The following DPP4 variants were observed in gnomAD, a reference collection of about 807,000 sequenced individuals.
The protein encoded by DPP4 is dipeptidyl peptidase 4, also known as ADCP-2.
In DPP4, 93 loss-of-function variants were observed where a neutral mutation model predicts 122.4. The observed-to-expected ratio is 0.76, with a 90% CI of 0.64 to 0.90. The LOEUF is 0.90. Ranked by LOEUF, DPP4 falls within the 40% of genes least tolerant of loss-of-function variation. DPP4 has a pLI of 0.00. For synonymous variants in DPP4, 321 were observed against 302.9 expected, an observed-to-expected ratio of 1.06 and a Z score of -0.62; for missense variants, 914 against 907.3, an observed-to-expected ratio of 1.01 and a Z score of -0.09.
chr2:162,042,289 A>G (rs1385288128), intron 5 of DPP4, among the ~76,000 whole-genome samples: 1 of 152,232 alleles, frequency 6.6e-6, no homozygotes, highest in East Asian at 1.9e-4. Flanking sequence ...AACATTGTCA[A>G]CATAGAATCG....
At chr2:162,067,511 T>C (rs1684987518) in intron 2 of DPP4, among the ~76,000 whole-genome samples, 2 of 152,310 alleles carry the variant, frequency 1.3e-5, no homozygotes, top group Non-Finnish European at 1.5e-5. Context: ...CCTGAACTCA[T>C]AGGTCTACTT....
At chr2:162,002,878 A>C (rs962952661) in intron 23 of DPP4, among the ~76,000 whole-genome samples, 1 of 152,206 alleles carries the variant, frequency 6.6e-6, no homozygotes, top group Non-Finnish European at 1.5e-5. Context: ...CACCAAAAAT[A>C]GGCACTTAGA....
At chr2:162,073,754 C>G (rs1000456129) in intron 1 of DPP4, among the ~76,000 whole-genome samples, 1 of 152,176 alleles carries the variant, frequency 6.6e-6, no homozygotes, top group African/African-American at 2.4e-5. Flanking sequence ...GTGAGTGGCT[C>G]TCCGGGACAT....
intron 10 of DPP4, 127 bp from the exon 11 acceptor site, chr2:162,025,066 G>T: frequency 6.8e-6 from 7 of 1,024,368 alleles, no homozygotes; most frequent in South Asian, 3.7e-5. Context: ...AATTATAAAT[G>T]GTTAATGAAA....
intron 9 of DPP4, 36 bp downstream of exon 9, chr2:162,035,127 CA>C: frequency 6.3e-7 from 1 of 1,576,364 alleles, no homozygotes; most frequent in African/African-American, 1.4e-5. Flanking sequence ...CTCTTCCCAT[CA>C]AATCATGGAA....
chr2:162,071,501 G>T (rs938927850), intron 2 of DPP4, among the ~76,000 whole-genome samples: 4 of 152,176 alleles, frequency 2.6e-5, no homozygotes, highest in Admixed American at 2.6e-4. Context: ...AATTATCCGG[G>T]CGTGGTGGTG....
intron 2 of DPP4, among the ~76,000 whole-genome samples, chr2:162,068,470 T>C (rs1685018529): frequency 6.6e-6 from 1 of 152,202 alleles, no homozygotes; most frequent in Non-Finnish European, 1.5e-5. Context: ...GCCTCCATCA[T>C]GGTTCCCAAT....
At chr2:162,050,392 C>T (rs1380929332) in intron 2 of DPP4, among the ~76,000 whole-genome samples, 5 of 152,148 alleles carry the variant, frequency 3.3e-5, no homozygotes, top group Non-Finnish European at 7.3e-5. Context: ...TGCACCAGGC[C>T]TAGTCCACAG....
At chr2:162,006,268 AT>A (rs1701280531) in intron 22 of DPP4, among the ~76,000 whole-genome samples, 1 of 152,156 alleles carries the variant, frequency 6.6e-6, no homozygotes, top group East Asian at 1.9e-4. Flanking sequence ...TTGTGTTGAA[AT>A]TTTTTGGTTA....
intron 9 of DPP4, among the ~76,000 whole-genome samples, chr2:162,034,656 C>T (rs1273860123): frequency 6.6e-6 from 1 of 152,166 alleles, no homozygotes; most frequent in Non-Finnish European, 1.5e-5. Flanking sequence ...ACGAGGAGAA[C>T]AGCTTTGAAA....
At chr2:162,025,584 T>G (rs1683296301) in intron 10 of DPP4, among the ~76,000 whole-genome samples, 1 of 152,196 alleles carries the variant, frequency 6.6e-6, no homozygotes. Flanking sequence ...TCTCTAGTAG[T>G]GCATCCTCCC....
intron 9 of DPP4, among the ~76,000 whole-genome samples, chr2:162,034,740 CA>C (rs2106119445): frequency 6.6e-6 from 1 of 152,222 alleles, no homozygotes; most frequent in African/African-American, 2.4e-5. Context: ...ATAATAGAAC[CA>C]CTAAAACTAG....
intron 10 of DPP4, chr2:162,032,208 G>A (rs1683571943): frequency 6.6e-6 from 1 of 152,170 alleles, no homozygotes; most frequent in South Asian, 2.1e-4. Flanking sequence ...AGAAAGTCAG[G>A]TTTGAATATA....
Position 162,018,866 on chromosome 2 carries a change from T to A in DPP4, c.1299-16A>T, listed in dbSNP as rs1471244370. On this transcript the variant is annotated splice_polypyrimidine_tract_variant and intron_variant, in intron 15 of 25. Coordinates refer to ENST00000360534, the MANE Select transcript of DPP4 (RefSeq NM_001935.4). ...AAGTTGGATTCTGTAAAACCAACGGTGGAAATTAAGTGCTTGAAGAAAAGA... is the reference window on the plus strand; with the variant it reads ...AAGTTGGATTCTGTAAAACCAACGGAGGAAATTAAGTGCTTGAAGAAAAGA... 1 of 1,612,822 alleles carries A rather than the reference T, an allele frequency of 6.2e-7. No homozygotes were observed. The highest frequency in any genetic ancestry group is 2.2e-5 in the East Asian group (1 of 44,864).
chr2:162,067,858 C>T (rs1684998059), intron 2 of DPP4, among the ~76,000 whole-genome samples: 1 of 152,164 alleles, frequency 6.6e-6, no homozygotes, highest in South Asian at 2.1e-4. Context: ...CAGAAAAACT[C>T]TCACCAAGGC....
intron 2 of DPP4, among the ~76,000 whole-genome samples, chr2:162,066,132 G>T (rs1684938572): frequency 6.6e-6 from 1 of 152,108 alleles, no homozygotes; most frequent in African/African-American, 2.4e-5. Flanking sequence ...GGAGGCAAGA[G>T]AAATTCTTTA....
intron 9 of DPP4, among the ~76,000 whole-genome samples, chr2:162,033,862 GTATATATATATATATA>G (rs138320647): frequency 1.8e-4 from 19 of 104,036 alleles, no homozygotes; most frequent in East Asian, 4.8e-4. Flanking sequence ...CAGAATATGT[GTATATATATATATATA>G]TATATATATA....
chr2:162,015,961 G>C (rs753963129), intron 18 of DPP4, among the ~76,000 whole-genome samples: 5 of 152,176 alleles, frequency 3.3e-5, no homozygotes, highest in Non-Finnish European at 5.9e-5. Flanking sequence ...TGCTGGGTCA[G>C]AATGTGCATC....
At position 162,018,290 on chromosome 2, in the gene DPP4, C is replaced by T. The variant is rs146168626; in HGVS notation, c.1420+439G>A. Among the ~76,000 whole-genome samples the T allele has an allele frequency of 2.0e-5, 3 of 152,282 alleles. No homozygotes were observed. In the East Asian group the frequency reaches 5.8e-4, roughly 29 times the overall value. On this transcript the variant is annotated intron_variant, in intron 16 of 25. Coordinates refer to ENST00000360534, the MANE Select transcript of DPP4 (RefSeq NM_001935.4). ...GTGCCTGTAACTCGCTGTGTGACCACCTGCATAAGTCACTTGGCCACTCCT... is the reference window on the plus strand; with the variant it reads ...GTGCCTGTAACTCGCTGTGTGACCATCTGCATAAGTCACTTGGCCACTCCT...
Sources: allele counts gnomAD v4.1 joint callset (sites outside exome capture counted in the v4.1 genomes callset), GRCh38; gene constraint gnomAD v4.1.1; transcripts MANE v1.5; gene names NCBI Gene and HGNC (gene_info 2026-07-23, HGNC 2026-07-21).